The following GPC5 variants were observed in gnomAD, a reference collection of about 807,000 sequenced individuals.
The protein encoded by GPC5 is glypican 5, also known as glypican-5.
GPC5 carries 47 observed loss-of-function variants against 53.9 expected under a neutral mutation model. The ratio of observed to expected loss-of-function variants is 0.87; its 90% confidence interval spans 0.69 to 1.11. GPC5 has a LOEUF of 1.11. Among genes scored for constraint, GPC5 ranks in the 50% most tolerant of loss-of-function variants. GPC5 has a pLI of 0.00. For synonymous variants in GPC5, 286 were observed against 263.3 expected (o/e 1.09, Z -0.84); for missense variants, 748 against 713.1 (o/e 1.05, Z -0.56).
chr13:92,485,864 G>A (rs577446745), intron 7 of GPC5, among the ~76,000 whole-genome samples: 1 of 152,206 alleles, frequency 6.6e-6, no homozygotes, highest in Admixed American at 6.5e-5. Context: ...TACTCTGGAG[G>A]CTGAGGCAGG....
chr13:91,825,700 C>T (rs982292173), intron 5 of GPC5, among the ~76,000 whole-genome samples: 5 of 151,958 alleles, frequency 3.3e-5, no homozygotes, highest in East Asian at 1.9e-4. Context: ...GAGGATGCTC[C>T]GGACTCACGT....
At chr13:92,346,879 T>G (rs1594118505) in intron 7 of GPC5, among the ~76,000 whole-genome samples, 1 of 152,100 alleles carries the variant, frequency 6.6e-6, no homozygotes. Flanking sequence ...ATCCCAGAGA[T>G]GAGGAATGCA....
At chr13:92,071,998 T>C (rs2041215466) in intron 6 of GPC5, among the ~76,000 whole-genome samples, 1 of 146,270 alleles carries the variant, frequency 6.8e-6, no homozygotes, top group Admixed American at 6.9e-5. Context: ...ATTATTTATA[T>C]GTATTGATAG....
rs117431206 is a variant in GPC5, at chr13:92,071,193, G to A, written c.1402-73637G>A. On this transcript the variant is annotated intron_variant, in intron 6 of 7. Coordinates refer to ENST00000377067, the MANE Select transcript of GPC5 (RefSeq NM_004466.6). ...AGAGGCTGCGGTGAACCAAGATTGT[G>A]CCACTACAATCCAATCTGGGCAACA... 2.6e-5 allele frequency among the ~76,000 whole-genome samples: 4 copies of A among 152,060 alleles called. No individual in the cohort carries two copies. The East Asian group carries it at 7.7e-4, about 29-fold the overall frequency.
At chr13:91,882,243 G>A (rs1349157264) in intron 5 of GPC5, among the ~76,000 whole-genome samples, 1 of 151,738 alleles carries the variant, frequency 6.6e-6, no homozygotes, top group African/African-American at 2.4e-5. Flanking sequence ...AATATATATT[G>A]AGGTTTTATG....
At chr13:92,736,404 A>AC (rs915179171) in intron 7 of GPC5, among the ~76,000 whole-genome samples, 27 of 151,806 alleles carry the variant, frequency 1.8e-4, no homozygotes, top group Non-Finnish European at 2.7e-4. Context: ...GGTCAATTTA[A>AC]CCCCCCACCC....
At chr13:91,751,638 G>A (rs2037178970) in intron 4 of GPC5, among the ~76,000 whole-genome samples, 1 of 152,130 alleles carries the variant, frequency 6.6e-6, no homozygotes, top group Non-Finnish European at 1.5e-5. Context: ...CCCCAAACAA[G>A]TCCGATGACC....
chr13:92,650,855 A>G (rs1885934773), intron 7 of GPC5, among the ~76,000 whole-genome samples: 1 of 152,048 alleles, frequency 6.6e-6, no homozygotes, highest in African/African-American at 2.4e-5. Flanking sequence ...GGTTTGTTGC[A>G]TAGGTATACG....
At chr13:92,745,575 G>T (rs1300184470) in intron 7 of GPC5, among the ~76,000 whole-genome samples, 2 of 152,036 alleles carry the variant, frequency 1.3e-5, no homozygotes, top group African/African-American at 4.8e-5. Flanking sequence ...TTCTGAACAA[G>T]CTGAGTCCTC....
chr13:92,439,661 A>G (rs1417902326), intron 7 of GPC5, among the ~76,000 whole-genome samples: 2 of 152,158 alleles, frequency 1.3e-5, no homozygotes, highest in African/African-American at 4.8e-5. Context: ...AAAAATAGGA[A>G]CATAAAAGAA....
At chr13:91,846,328 C>CTA (rs2038848473) in intron 5 of GPC5, among the ~76,000 whole-genome samples, 1 of 152,044 alleles carries the variant, frequency 6.6e-6, no homozygotes, top group Non-Finnish European at 1.5e-5. Flanking sequence ...AACTAATACA[C>CTA]TATCATAGTA....
intron 7 of GPC5, among the ~76,000 whole-genome samples, chr13:92,546,511 T>TA (rs1376951573): frequency 6.6e-6 from 1 of 151,918 alleles, no homozygotes; most frequent in East Asian, 1.9e-4. Context: ...CTCAATGAAA[T>TA]AAAAAAGGAT....
intron 5 of GPC5, among the ~76,000 whole-genome samples, chr13:91,777,483 A>G (rs921058224): frequency 5.3e-5 from 8 of 152,204 alleles, no homozygotes; most frequent in Non-Finnish European, 1.2e-4. Flanking sequence ...TGCTATGTGG[A>G]AACGACAGAA....
chr13:92,431,791 A>T (rs912051513), intron 7 of GPC5, among the ~76,000 whole-genome samples: 25 of 152,092 alleles, frequency 1.6e-4, no homozygotes, highest in African/African-American at 5.3e-4. Context: ...GAGAAGGAAG[A>T]CTGTTTAAAA....
At chr13:91,943,517 A>AT (rs1455725856) in intron 6 of GPC5, among the ~76,000 whole-genome samples, 2 of 152,102 alleles carry the variant, frequency 1.3e-5, no homozygotes, top group Non-Finnish European at 2.9e-5. Context: ...TGATTGATGA[A>AT]TTTTTACTGA....
intron 5 of GPC5, among the ~76,000 whole-genome samples, chr13:91,847,226 A>AG (rs1167560057): frequency 6.7e-6 from 1 of 149,020 alleles, no homozygotes; most frequent in East Asian, 1.9e-4. Context: ...TCTCAAAAAA[A>AG]AAAAAAAAAA....
rs143731442 is a variant in GPC5, at chr13:91,755,194, T to C, written c.1155-1101T>C. On this transcript the variant is annotated intron_variant, in intron 4 of 7. Coordinates refer to ENST00000377067, the MANE Select transcript of GPC5 (RefSeq NM_004466.6). ...AACTTGAGTAACAGAGCTGACAAAA[T>C]GAGATTTCATTTTTAAAAAATTAGT... 2.0e-4 allele frequency among the ~76,000 whole-genome samples: 30 copies of C among 152,108 alleles called. 1 individual carries two copies. The highest frequency in any genetic ancestry group is 2.0e-3 in the Admixed American group (30 of 15,288).
chr13:92,429,558 G>A (rs911512975), intron 7 of GPC5, among the ~76,000 whole-genome samples: 12 of 151,456 alleles, frequency 7.9e-5, no homozygotes, highest in Non-Finnish European at 1.8e-4. Flanking sequence ...GTCCCCAATG[G>A]GAAATGAAAC....
intron 2 of GPC5, among the ~76,000 whole-genome samples, chr13:91,597,947 G>T (rs971528650): frequency 1.3e-5 from 2 of 151,884 alleles, no homozygotes; most frequent in African/African-American, 4.8e-5. Context: ...AGAAAAAGCG[G>T]ATGCTCAATT....
Sources: allele counts gnomAD v4.1 joint callset (sites outside exome capture counted in the v4.1 genomes callset), GRCh38; gene constraint gnomAD v4.1.1; transcripts MANE v1.5; gene names NCBI Gene and HGNC (gene_info 2026-07-23, HGNC 2026-07-21).